FBXO16: variants seen among roughly 807,000 people sequenced by gnomAD.
FBXO16 encodes F-box protein 16.
FBXO16 carries 31 observed loss-of-function variants against 41.0 expected under a neutral mutation model. The ratio of observed to expected loss-of-function variants is 0.76; its 90% CI spans 0.57 to 1.02. The LOEUF is 1.02. Among genes scored for constraint, FBXO16 ranks in the 50% least tolerant of loss-of-function variants. The probability of loss-of-function intolerance (pLI) is 0.00; values close to 1 mark genes in which losing one functional copy is unlikely to be tolerated. For synonymous variants in FBXO16, 133 were observed against 117.8 expected (o/e 1.13, Z -0.84); for missense variants, 361 against 346.2 (o/e 1.04, Z -0.34).
intron 4 of FBXO16, among the ~76,000 whole-genome samples, chr8:28,460,759 A>G (rs1803120959): frequency 6.6e-6 from 1 of 152,024 alleles, no homozygotes; most frequent in African/African-American, 2.4e-5. Flanking sequence ...TTGTAGAGAC[A>G]GGGTCTTGCT....
intron 4 of FBXO16, among the ~76,000 whole-genome samples, chr8:28,463,394 TTGTA>T (rs778010028): frequency 4.4e-4 from 66 of 149,312 alleles, no homozygotes; most frequent in South Asian, 1.9e-3. Context: ...GTGTTTGTGT[TTGTA>T]TGTATTTGTG....
chr8:28,483,716 G>A (rs543658783), intron 1 of FBXO16, among the ~76,000 whole-genome samples: 12 of 152,168 alleles, frequency 7.9e-5, no homozygotes, highest in South Asian at 6.2e-4. Context: ...CGGGCGTGGT[G>A]GTGCATGCCT....
At chr8:28,432,854 C>T (rs1193465197) in intron 7 of FBXO16, among the ~76,000 whole-genome samples, 7 of 152,044 alleles carry the variant, frequency 4.6e-5, no homozygotes, top group African/African-American at 9.7e-5. Flanking sequence ...GTCAGGCATT[C>T]GAGACCAGCC....
At chr8:28,468,959 C>T (rs1803287439) in intron 3 of FBXO16, among the ~76,000 whole-genome samples, 1 of 152,026 alleles carries the variant, frequency 6.6e-6, no homozygotes, top group Non-Finnish European at 1.5e-5. Flanking sequence ...CCACAGATAA[C>T]CAGTGTTCAA....
chr8:28,456,593 T>A (rs1803041851), intron 5 of FBXO16, 173 bp downstream of exon 5: 1 of 758,220 alleles, frequency 1.3e-6, no homozygotes, highest in Admixed American at 2.8e-5. Flanking sequence ...TCAACTAACA[T>A]GAATGTCTTG....
intron 4 of FBXO16, among the ~76,000 whole-genome samples, chr8:28,463,243 C>A (rs1005203539): frequency 6.9e-6 from 1 of 145,858 alleles, no homozygotes; most frequent in African/African-American, 2.6e-5. Context: ...TGTTTGTGTA[C>A]ACGTTTGTGT....
At chr8:28,458,493 G>C (rs1402265080) in intron 4 of FBXO16, among the ~76,000 whole-genome samples, 1 of 151,918 alleles carries the variant, frequency 6.6e-6, no homozygotes, top group Non-Finnish European at 1.5e-5. Flanking sequence ...GGAAAGGGAA[G>C]GGGGAGAAAA....
At chr8:28,462,469 G>C (rs987853235) in intron 4 of FBXO16, among the ~76,000 whole-genome samples, 1 of 151,698 alleles carries the variant, frequency 6.6e-6, no homozygotes, top group Non-Finnish European at 1.5e-5. Flanking sequence ...TAGTAGAGAC[G>C]GGGTTTCACT....
chr8:28,449,520 G>T (rs1449459071), intron 6 of FBXO16, among the ~76,000 whole-genome samples: 1 of 151,816 alleles, frequency 6.6e-6, no homozygotes, highest in East Asian at 1.9e-4. Flanking sequence ...ACAGGTTCTT[G>T]CTATGTTGCC....
chr8:28,451,557 T>TTA (rs1459045346), intron 6 of FBXO16, among the ~76,000 whole-genome samples: 33 of 150,854 alleles, frequency 2.2e-4, no homozygotes, highest in East Asian at 9.7e-4. Context: ...AGTAAATATT[T>TTA]TATATATATA....
At chr8:28,452,196 A>AAT (rs1450657284) in intron 6 of FBXO16, 48 bp downstream of exon 6, 9 of 1,534,762 alleles carry the variant, frequency 5.9e-6, no homozygotes, top group Non-Finnish European at 8.0e-6. Context: ...AATGCCAATA[A>AAT]ATTATTTCTA....
At position 28,489,992 on chromosome 8, in the gene FBXO16, A is replaced by G. The variant is rs908538371; in HGVS notation, c.-17+194T>C. On this transcript the variant is annotated intron_variant, in intron 1 of 8. Transcript: ENST00000380254. ...GCAAGAACTATAACACAACGCAAAA[A>G]GCTAATGCTTGGTAGGCATATAATT... Among the ~76,000 whole-genome samples the G allele has an allele frequency of 2.8e-4, 43 of 152,300 alleles. No homozygotes were observed. In the East Asian group the frequency reaches 3.1e-3, roughly 11 times the overall value.
chr8:28,439,306 C>A (rs948883627), intron 7 of FBXO16, among the ~76,000 whole-genome samples: 1 of 152,104 alleles, frequency 6.6e-6, no homozygotes, highest in Non-Finnish European at 1.5e-5. Flanking sequence ...GTCTGTCTGA[C>A]TGCAAAGCCC....
chr8:28,452,625 AC>A lies in FBXO16; in HGVS notation c.508-150del, dbSNP rs372068495. 1.6e-5 allele frequency: 11 copies of A among 674,010 alleles called. No individual in the cohort carries two copies. The African/African-American group carries it at 1.8e-4, about 11-fold the overall frequency. 41.8% of individuals were successfully genotyped at this position (674,010 alleles called of 1,614,324 possible). ...AGACCAGCCTGGCCAACATGGTGAA[AC>A]CCCGTCTCTACTAAAAATACAAAAA... On this transcript the variant is annotated intron_variant, in intron 5 of 8. Transcript: ENST00000380254.
At chr8:28,448,087 C>T (rs896338558) in intron 6 of FBXO16, among the ~76,000 whole-genome samples, 1 of 151,874 alleles carries the variant, frequency 6.6e-6, no homozygotes, top group African/African-American at 2.4e-5. Flanking sequence ...TGCCCGTAAC[C>T]CCAGCTTTTT....
chr8:28,473,983 C>T (rs1563368791), intron 2 of FBXO16, among the ~76,000 whole-genome samples, 176 bp from the exon 3 acceptor site: 1 of 151,138 alleles, frequency 6.6e-6, no homozygotes, highest in Non-Finnish European at 1.5e-5. Context: ...GTTTCTCTCT[C>T]TTTTTTTTTC....
chr8:28,444,030 G>C (rs6996582), intron 7 of FBXO16, among the ~76,000 whole-genome samples: 49,042 of 151,988 alleles, frequency 0.32, 11,517 homozygotes, highest in African/African-American at 0.67. Context: ...TATTTCTTTA[G>C]GTTCTTAATA....
chr8:28,464,934 G>A (rs1031429911), intron 3 of FBXO16, among the ~76,000 whole-genome samples: 3 of 152,146 alleles, frequency 2.0e-5, no homozygotes, highest in African/African-American at 4.8e-5. Flanking sequence ...CTACAGGCGA[G>A]AGCCACTGTG....
intron 8 of FBXO16, among the ~76,000 whole-genome samples, chr8:28,429,078 G>A (rs1802569243): frequency 6.6e-6 from 1 of 152,214 alleles, no homozygotes; most frequent in African/African-American, 2.4e-5. Context: ...GCTAAAAAGT[G>A]TCACAGCTGG....
Sources: gnomAD v4.1 joint callset for allele counts (sites outside exome capture counted in the v4.1 genomes callset) on GRCh38, gnomAD v4.1.1 for gene constraint, MANE v1.5 for transcripts, NCBI Gene and HGNC (gene_info 2026-07-23, HGNC 2026-07-21) for gene names.